UBR1: variants seen among roughly 807,000 people sequenced by gnomAD.
The protein encoded by UBR1 is ubiquitin protein ligase E3 component n-recognin 1.
Under a neutral mutation model 242.1 loss-of-function variants are expected in UBR1, and 102 were observed. The observed-to-expected ratio is 0.42, with a 90% CI of 0.36 to 0.50. UBR1 has a LOEUF of 0.50. UBR1 is among the 20% of genes least tolerant of loss of function. The pLI is 0.01. For synonymous variants in UBR1, 675 were observed against 684.8 expected (o/e 0.99, Z 0.22); for missense variants, 1,772 against 2,101.8 (o/e 0.84, Z 3.07).
At chr15:42,989,882 A>T (rs2141276632) in intron 34 of UBR1, 148 bp downstream of exon 34, 1 of 673,182 alleles carries the variant, frequency 1.5e-6, no homozygotes, top group East Asian at 2.9e-5. Flanking sequence ...CATTTTGTTA[A>T]TACAAATAAA....
intron 21 of UBR1, among the ~76,000 whole-genome samples, chr15:43,028,649 GC>G (rs1348063769): frequency 3.3e-5 from 5 of 151,470 alleles, no homozygotes; most frequent in Admixed American, 6.6e-5. Flanking sequence ...GGAGGCTGAG[GC>G]AGGAGAATCA....
chr15:42,964,769 A>G (rs1334688741), intron 41 of UBR1, among the ~76,000 whole-genome samples: 2 of 152,126 alleles, frequency 1.3e-5, no homozygotes, highest in Non-Finnish European at 2.9e-5. Flanking sequence ...TGACATTTAT[A>G]ACTTCTTCTA....
At chr15:42,994,592 C>T (rs917097416) in intron 33 of UBR1, among the ~76,000 whole-genome samples, 2 of 152,134 alleles carry the variant, frequency 1.3e-5, no homozygotes, top group African/African-American at 4.8e-5. Flanking sequence ...ACCAAAACAA[C>T]ACAGCGTGAA....
intron 15 of UBR1, among the ~76,000 whole-genome samples, chr15:43,042,510 G>A (rs1417284922): frequency 1.3e-5 from 2 of 152,102 alleles, no homozygotes; most frequent in Non-Finnish European, 2.9e-5. Flanking sequence ...AGTTGCTAGC[G>A]GGTGTGGGGA....
intron 10 of UBR1, among the ~76,000 whole-genome samples, chr15:43,057,398 T>A (rs1286411495): frequency 5.9e-5 from 9 of 152,146 alleles, no homozygotes; most frequent in Admixed American, 5.9e-4. Context: ...CTATCTTAAG[T>A]CTTACAGAAT....
chr15:42,948,366 C>T (rs1292659079), intron 46 of UBR1, among the ~76,000 whole-genome samples: 1 of 152,128 alleles, frequency 6.6e-6, no homozygotes, highest in African/African-American at 2.4e-5. Flanking sequence ...AGGACATAGG[C>T]ATGGGCAAGG....
At position 43,022,663 on chromosome 15, in the gene UBR1, T is replaced by C. The variant is rs1331577915; in HGVS notation, c.2839+39A>G. The stretch of plus-strand genomic sequence containing the variant: ...TTAAAACTCCTTAAGATCTAGACTT[T>C]CAATGACAAATGTGTTGAAGAGTGA... On this transcript the variant is annotated intron_variant, in intron 26 of 46. Coordinates refer to ENST00000290650, the MANE Select transcript of UBR1 (RefSeq NM_174916.3). 2.8e-6 allele frequency: 4 copies of C among 1,433,212 alleles called. No individual in the cohort carries two copies. In the African/African-American group the frequency reaches 4.2e-5, roughly 15 times the overall value. The allele number at this position is 1,433,212 out of a possible 1,614,324, so 88.8% of individuals were successfully genotyped here.
intron 12 of UBR1, 77 bp downstream of exon 12, chr15:43,054,665 A>G: frequency 2.0e-6 from 3 of 1,512,358 alleles, no homozygotes; most frequent in Non-Finnish European, 2.8e-6. Flanking sequence ...AAATGATCAC[A>G]GGATTACTTA....
intron 34 of UBR1, among the ~76,000 whole-genome samples, chr15:42,989,188 A>G (rs757334018): frequency 4.6e-5 from 7 of 152,232 alleles, no homozygotes; most frequent in Non-Finnish European, 8.8e-5. Context: ...AGCTCTTATA[A>G]AATGCTAATG....
chr15:42,950,396 A>G (rs201192558), intron 45 of UBR1, 33 bp from the exon 46 acceptor site: 5 of 1,592,546 alleles, frequency 3.1e-6, no homozygotes, highest in East Asian at 4.5e-5. Context: ...AATATGGTTA[A>G]GTGTATGTGT....
intron 43 of UBR1, 41 bp from the exon 44 acceptor site, chr15:42,958,131 T>C (rs1344818459): frequency 3.4e-6 from 5 of 1,475,894 alleles, no homozygotes; most frequent in Non-Finnish European, 4.7e-6. Flanking sequence ...TTAGAGTAAA[T>C]AACCCCAGAT....
chr15:42,963,939 G>C lies in UBR1; in HGVS notation c.4696C>G (p.Gln1566Glu), dbSNP rs757981667. The C allele has an allele frequency of 1.2e-6, 2 of 1,607,614 alleles. No individual in the cohort carries two copies. The highest frequency in any genetic ancestry group is 8.5e-7 in the Non-Finnish European group (1 of 1,174,344). ...EYWDTVRPLLQRWCADPALLN... is the reference protein window; with the variant it reads ...EYWDTVRPLLERWCADPALLN... ...AATATTTTATCCCCATAGTACCTCT[G>C]GAGCAAGGGCCTTACAGTATCCCAA... is the stretch of plus-strand genomic sequence containing the variant. Residue 1566 changes from glutamine to glutamate, a missense_variant, in exon 42 of 47, where the codon CAG becomes GAG. Physicochemically the swap from Gln to Glu is conservative, Grantham distance 29 (BLOSUM62 2). Coordinates refer to ENST00000290650, the MANE Select transcript of UBR1 (RefSeq NM_174916.3).
chr15:43,003,815 A>T (rs2032762398), intron 31 of UBR1, 22 bp downstream of exon 31: 3 of 1,612,356 alleles, frequency 1.9e-6, no homozygotes, highest in Non-Finnish European at 2.5e-6. Flanking sequence ...TCTTTCAAGA[A>T]CATGTCAGAA....
At chr15:43,014,222 C>T (rs1394827960) in intron 29 of UBR1, among the ~76,000 whole-genome samples, 4 of 152,388 alleles carry the variant, frequency 2.6e-5, no homozygotes, top group South Asian at 2.1e-4. Context: ...GGCGTGATCT[C>T]GGCTTGCTAC....
At chr15:43,029,900 C>T (rs1043917027) in intron 21 of UBR1, 44 bp downstream of exon 21, 46 of 1,611,328 alleles carry the variant, frequency 2.9e-5, no homozygotes, top group African/African-American at 4.0e-5. Flanking sequence ...GAAACATCTA[C>T]CCCATCTTGA....
chr15:43,047,723 C>T (rs1214853239), intron 13 of UBR1, among the ~76,000 whole-genome samples: 1 of 152,166 alleles, frequency 6.6e-6, no homozygotes, highest in Non-Finnish European at 1.5e-5. Context: ...ACTGTACATG[C>T]TTTCCATAAG....
chr15:43,087,208 AC>A (rs1009887597), intron 1 of UBR1, among the ~76,000 whole-genome samples: 1 of 152,068 alleles, frequency 6.6e-6, no homozygotes, highest in African/African-American at 2.4e-5. Context: ...GATCGAGACC[AC>A]CCTGGCTAAC....
chr15:43,033,563 A>T (rs2033286827), intron 19 of UBR1, among the ~76,000 whole-genome samples: 1 of 152,236 alleles, frequency 6.6e-6, no homozygotes, highest in Admixed American at 6.5e-5. Context: ...CTGAGGCAGG[A>T]GAATCCCTTG....
intron 6 of UBR1, among the ~76,000 whole-genome samples, chr15:43,066,332 G>A (rs2033751925): frequency 6.6e-6 from 1 of 152,132 alleles, no homozygotes; most frequent in Admixed American, 6.6e-5. Context: ...CTATGTGTCT[G>A]CTTTTGTACC....
Sources: allele counts gnomAD v4.1 joint callset (sites outside exome capture counted in the v4.1 genomes callset), GRCh38; gene constraint gnomAD v4.1.1; transcripts MANE v1.5; gene names NCBI Gene and HGNC (gene_info 2026-07-23, HGNC 2026-07-21).